The following ADGRV1 variants were observed in gnomAD, a reference collection of about 807,000 sequenced individuals.
The protein encoded by ADGRV1 is adhesion G protein-coupled receptor V1.
A neutral mutation model predicts 596.2 loss-of-function variants in ADGRV1; 359 were observed. That is an observed-to-expected ratio of 0.60 (90% CI 0.55 to 0.66). The LOEUF is 0.66. Among genes scored for constraint, ADGRV1 ranks in the 30% least tolerant of loss-of-function variants. The probability of loss-of-function intolerance (pLI) is 0.00; values close to 1 mark genes in which losing one functional copy is unlikely to be tolerated. For synonymous variants in ADGRV1, 2,681 were observed against 2,679.2 expected (o/e 1.00, Z -0.02); for missense variants, 7,274 against 7,575.6 (o/e 0.96, Z 1.48).
chr5:91,023,381 A>G (rs994648702), intron 85 of ADGRV1, among the ~76,000 whole-genome samples: 2 of 152,132 alleles, frequency 1.3e-5, no homozygotes, highest in East Asian at 3.9e-4. Flanking sequence ...AGTATAAGGA[A>G]GTGAGGAAGG....
intron 1 of ADGRV1, among the ~76,000 whole-genome samples, chr5:90,559,213 G>A (rs185001488): frequency 5.3e-5 from 8 of 152,190 alleles, no homozygotes; most frequent in Non-Finnish European, 1.2e-4. Flanking sequence ...TGAATGAGCA[G>A]AGTGAAGAGT....
chr5:90,797,156 A>C (rs1354845016), intron 70 of ADGRV1, among the ~76,000 whole-genome samples: 2 of 152,152 alleles, frequency 1.3e-5, no homozygotes, highest in African/African-American at 2.4e-5. Flanking sequence ...TAAATGTCCC[A>C]ATTAAAAGAC....
chr5:90,571,672 C>T (rs1476384919), intron 1 of ADGRV1, among the ~76,000 whole-genome samples: 1 of 152,020 alleles, frequency 6.6e-6, no homozygotes, highest in African/African-American at 2.4e-5. Context: ...TTCAAGAAAC[C>T]ACTAGATAGA....
At chr5:90,766,396 C>T (rs1373755404) in intron 59 of ADGRV1, among the ~76,000 whole-genome samples, 1 of 152,056 alleles carries the variant, frequency 6.6e-6, no homozygotes, top group East Asian at 1.9e-4. Flanking sequence ...TCAGTTTTCC[C>T]TTTAAGTGTG....
At chr5:90,596,206 G>T (rs899446311) in intron 1 of ADGRV1, among the ~76,000 whole-genome samples, 1 of 149,730 alleles carries the variant, frequency 6.7e-6, no homozygotes, top group East Asian at 2.0e-4. Context: ...GCCGGGCAGA[G>T]ACGCTCCTCA....
intron 71 of ADGRV1, among the ~76,000 whole-genome samples, chr5:90,804,325 C>G (rs372040878): frequency 1.3e-5 from 2 of 152,082 alleles, no homozygotes; most frequent in East Asian, 1.9e-4. Context: ...TCACTTGAAC[C>G]TGGGAGGCAG....
intron 89 of ADGRV1, among the ~76,000 whole-genome samples, chr5:91,160,341 G>A (rs916595148): frequency 1.3e-5 from 2 of 152,160 alleles, no homozygotes; most frequent in African/African-American, 4.8e-5. Context: ...AAATGGAAAG[G>A]TGGAATTTTG....
Position 90,823,588 on chromosome 5 carries a change from C to G in ADGRV1, c.16360C>G (p.Pro5454Ala), listed in dbSNP as rs765387479. 3 of 1,613,302 alleles carry G rather than the reference C, an allele frequency of 1.9e-6. No individual in the cohort carries two copies. The highest frequency in any genetic ancestry group is 3.3e-5 in the Admixed American group (2 of 59,990). Residue 5454 changes from proline to alanine, a missense_variant, in exon 76 of 90, where the codon CCA becomes GCA. Transcript: ENST00000405460. ...TKCFISIELKPEKVPQVEVYF... is the reference protein window; with the variant it reads ...TKCFISIELKAEKVPQVEVYF... Reference sequence around the variant, plus strand: ...ATGCTTTATCAGCATTGAACTCAAACCAGAAAAGGTAAGAAATGAAGAGAC... The same window carrying G: ...ATGCTTTATCAGCATTGAACTCAAAGCAGAAAAGGTAAGAAATGAAGAGAC...
intron 87 of ADGRV1, among the ~76,000 whole-genome samples, chr5:91,103,367 C>T (rs1379140098): frequency 1.3e-5 from 2 of 151,316 alleles, no homozygotes; most frequent in Admixed American, 6.6e-5. Context: ...ACAGTCCGGC[C>T]TCTCTGGGAT....
chr5:90,725,076 C>A lies in ADGRV1; in HGVS notation c.9907-10C>A. On this transcript the variant is annotated splice_polypyrimidine_tract_variant and intron_variant, in intron 46 of 89. Coordinates refer to ENST00000405460, the MANE Select transcript of ADGRV1 (RefSeq NM_032119.4). ...AATGAATAACTGTATTCTTATTCCTCATTTTCTAGGATTTAAATATAGAAA... is the reference window on the plus strand; with the variant it reads ...AATGAATAACTGTATTCTTATTCCTAATTTTCTAGGATTTAAATATAGAAA... The A allele has an allele frequency of 6.5e-7, 1 of 1,532,508 alleles. No individual in the cohort carries two copies. The highest frequency in any genetic ancestry group is 8.8e-7 in the Non-Finnish European group (1 of 1,130,672). 94.9% of individuals were successfully genotyped at this position (1,532,508 alleles called of 1,614,324 possible).
chr5:90,604,184 T>C (rs1437497096), intron 1 of ADGRV1, among the ~76,000 whole-genome samples: 1 of 152,022 alleles, frequency 6.6e-6, no homozygotes, highest in Admixed American at 6.6e-5. Context: ...AATCTACAAA[T>C]TTTAAATCTT....
At chr5:90,803,622 ATGCT>A (rs985917301) in intron 71 of ADGRV1, among the ~76,000 whole-genome samples, 6 of 152,106 alleles carry the variant, frequency 3.9e-5, no homozygotes, top group Non-Finnish European at 7.4e-5. Context: ...CCACTAAGGG[ATGCT>A]CTTCAGCTAC....
chr5:90,647,042 G>T (rs889458188), intron 16 of ADGRV1, among the ~76,000 whole-genome samples: 8 of 152,104 alleles, frequency 5.3e-5, no homozygotes, highest in Non-Finnish European at 1.0e-4. Context: ...AAAGTGCTGG[G>T]ATTACAGGTG....
At chr5:90,678,530 A>G (rs1165337237) in intron 25 of ADGRV1, among the ~76,000 whole-genome samples, 1 of 149,902 alleles carries the variant, frequency 6.7e-6, no homozygotes, top group Non-Finnish European at 1.5e-5. Context: ...AATACCACAT[A>G]CTGGGCAATT....
At chr5:90,578,543 T>C (rs960023849) in intron 1 of ADGRV1, among the ~76,000 whole-genome samples, 2 of 152,228 alleles carry the variant, frequency 1.3e-5, no homozygotes, top group African/African-American at 4.8e-5. Flanking sequence ...TTTGCATCGA[T>C]GTTCATCAGG....
At chr5:91,121,362 T>C (rs1304748785) in intron 87 of ADGRV1, among the ~76,000 whole-genome samples, 1 of 152,158 alleles carries the variant, frequency 6.6e-6, no homozygotes, top group Non-Finnish European at 1.5e-5. Flanking sequence ...TGTACCACAC[T>C]ATTGGAAATC....
intron 83 of ADGRV1, among the ~76,000 whole-genome samples, chr5:90,876,326 T>C (rs1769214216): frequency 6.6e-6 from 1 of 152,242 alleles, no homozygotes. Context: ...GGTTTAACTT[T>C]TGGAACACTT....
intron 86 of ADGRV1, 78 bp downstream of exon 86, chr5:91,072,682 C>G: frequency 6.9e-7 from 1 of 1,457,168 alleles, no homozygotes; most frequent in Non-Finnish European, 9.4e-7. Flanking sequence ...TTTTTTTTAT[C>G]AAAAAGAGGG....
At chr5:90,782,553 A>G (rs181660898) in intron 65 of ADGRV1, among the ~76,000 whole-genome samples, 141 of 152,284 alleles carry the variant, frequency 9.3e-4, no homozygotes, top group Admixed American at 2.9e-3. Context: ...AGCTTAAGAA[A>G]TATATTTTTG....
Sources: gnomAD v4.1 joint callset for allele counts (sites outside exome capture counted in the v4.1 genomes callset) on GRCh38, gnomAD v4.1.1 for gene constraint, MANE v1.5 for transcripts, NCBI Gene and HGNC (gene_info 2026-07-23, HGNC 2026-07-21) for gene names.